GSE1: variants seen among roughly 807,000 people sequenced by gnomAD.
The protein encoded by GSE1 is Gse1 coiled-coil protein.
Under a neutral mutation model 112.6 loss-of-function variants are expected in GSE1, and 32 were observed. That is an observed-to-expected ratio of 0.28 (90% CI 0.21 to 0.38). The LOEUF (loss-of-function observed/expected upper bound fraction) is 0.38. Among genes scored for constraint, GSE1 ranks in the 10% least tolerant of loss-of-function variants. The pLI is 1.00. For synonymous variants in GSE1, 1,115 were observed against 735.6 expected (o/e 1.52, Z -8.35); for missense variants, 2,348 against 1,699.2 (o/e 1.38, Z -6.71).
At chr16:85,200,344 GAATAA>G (rs1345325372) in intron 1 of GSE1, among the ~76,000 whole-genome samples, 1 of 150,990 alleles carries the variant, frequency 6.6e-6, no homozygotes, top group Non-Finnish European at 1.5e-5. Flanking sequence ...ATCACAGGGA[GAATAA>G]TGAATGTTTA....
At chr16:85,171,171 G>T in exon 1 of GSE1, 1 of 985,662 alleles carries the variant, frequency 1.0e-6, no homozygotes, top group Non-Finnish European at 1.2e-6. Flanking sequence ...CCCTGTACCG[G>T]GCCTGCCAGA....
chr16:85,661,887 G>A, intron 9 of GSE1, 122 bp downstream of exon 9: 2 of 985,838 alleles, frequency 2.0e-6, no homozygotes, highest in Non-Finnish European at 2.9e-6. Context: ...GTAGTCCCAG[G>A]CCCCAGGTGG....
intron 2 of GSE1, among the ~76,000 whole-genome samples, chr16:85,400,573 G>A (rs2048080788): frequency 6.6e-6 from 1 of 151,254 alleles, no homozygotes. Flanking sequence ...TTGTGTACCT[G>A]TGTGATGCAT....
chr16:85,555,097 C>T (rs2045133736), upstream of GSE1: 1 of 985,250 alleles, frequency 1.0e-6, no homozygotes, highest in South Asian at 4.7e-5. Context: ...CGCGTAGAGA[C>T]GGAAGGAGCC....
intron 2 of GSE1, among the ~76,000 whole-genome samples, chr16:85,449,030 C>G (rs2049593478): frequency 6.6e-6 from 1 of 152,216 alleles, no homozygotes; most frequent in Admixed American, 6.5e-5. Flanking sequence ...TCAATATTGA[C>G]TCTGTCAAAG....
At chr16:85,353,167 C>T (rs951208584) in intron 1 of GSE1, among the ~76,000 whole-genome samples, 9 of 152,280 alleles carry the variant, frequency 5.9e-5, no homozygotes, top group South Asian at 2.1e-4. Context: ...TGGAGGAACC[C>T]GCCTCCACAC....
intron 1 of GSE1, among the ~76,000 whole-genome samples, chr16:85,294,641 CTCTCTCTCTCTCTCTCTG>C (rs1388090094): frequency 5.0e-5 from 7 of 141,080 alleles, no homozygotes; most frequent in African/African-American, 1.4e-4. Flanking sequence ...CTCTCTCTCT[CTCTCTCTCTCTCTCTCTG>C]TCTCTCTCTC....
rs376816052 is a variant in GSE1, at chr16:85,330,886, T to G, written c.2284-26577T>G. 2.6e-5 allele frequency among the ~76,000 whole-genome samples: 4 copies of G among 152,170 alleles called. No homozygotes were observed. The East Asian group carries it at 7.7e-4, about 29-fold the overall frequency. ...GGAAGTCTGAGTGTTTCTGGAAGTCTGCTGCTGTGTGGGAATCACTCTTGT... is the reference window on the plus strand; with the variant it reads ...GGAAGTCTGAGTGTTTCTGGAAGTCGGCTGCTGTGTGGGAATCACTCTTGT... On this transcript the variant is annotated intron_variant, in intron 1 of 2. Coordinates refer to the GSE1 transcript ENST00000637419.
chr16:85,279,090 C>T (rs1358583180), intron 1 of GSE1: 1 of 152,258 alleles, frequency 6.6e-6, no homozygotes, highest in Non-Finnish European at 1.5e-5. Context: ...GTGTCCTTCC[C>T]AGCTGATGGA....
At chr16:85,369,867 C>A (rs2047258352) in intron 2 of GSE1, among the ~76,000 whole-genome samples, 1 of 152,222 alleles carries the variant, frequency 6.6e-6, no homozygotes, top group Admixed American at 6.5e-5. Flanking sequence ...TGGGACTGGT[C>A]CCTCAGCCTC....
chr16:85,246,200 T>TACACACACACACAC (rs545313239), intron 1 of GSE1, among the ~76,000 whole-genome samples: 11 of 89,118 alleles, frequency 1.2e-4, no homozygotes, highest in African/African-American at 5.0e-4. Context: ...TCAGGGACCC[T>TACACACACACACAC]ACACACACAC....
intron 9 of GSE1, chr16:85,662,537 G>A (rs940867131): frequency 3.2e-5 from 5 of 156,166 alleles, no homozygotes; most frequent in Non-Finnish European, 7.0e-5. Context: ...AGCGCCCCTG[G>A]GCAGGGGCTC....
intron 2 of GSE1, among the ~76,000 whole-genome samples, chr16:85,408,080 T>A (rs867737457): frequency 2.1e-5 from 1 of 47,936 alleles, no homozygotes; most frequent in Non-Finnish European, 4.2e-5. Context: ...TAATCCTCAC[T>A]GTTACACTCA....
At chr16:85,474,552 C>T (rs1470989899) in intron 2 of GSE1, among the ~76,000 whole-genome samples, 1 of 152,156 alleles carries the variant, frequency 6.6e-6, no homozygotes, top group Non-Finnish European at 1.5e-5. Context: ...TGACCTGACC[C>T]AGCCTTGGGG....
At chr16:85,265,430 C>T (rs937230763) in intron 1 of GSE1, among the ~76,000 whole-genome samples, 22 of 152,320 alleles carry the variant, frequency 1.4e-4, no homozygotes, top group African/African-American at 5.1e-4. Context: ...CCCAGACCCG[C>T]GCTAATGCAC....
At chr16:85,451,756 C>G (rs1224927201) in intron 2 of GSE1, among the ~76,000 whole-genome samples, 1 of 33,424 alleles carries the variant, frequency 3.0e-5, no homozygotes, top group Non-Finnish European at 7.1e-5. Flanking sequence ...GGTGCGTGCG[C>G]TGGTGGTGGT....
At chr16:85,575,489 C>A (rs560506118) in intron 1 of GSE1, among the ~76,000 whole-genome samples, 1 of 151,850 alleles carries the variant, frequency 6.6e-6, no homozygotes, top group Non-Finnish European at 1.5e-5. Context: ...TCTCCCCTCT[C>A]GTCTCCCCTC....
chr16:85,401,727 A>C (rs572901604), intron 2 of GSE1, among the ~76,000 whole-genome samples: 3 of 152,352 alleles, frequency 2.0e-5, no homozygotes, highest in South Asian at 4.1e-4. Flanking sequence ...TGCTGTGTAC[A>C]CGCAGCACTG....
At chr16:85,296,640 A>G (rs2966861) in intron 1 of GSE1, among the ~76,000 whole-genome samples, 61,398 of 151,880 alleles carry the variant, frequency 0.4, 12,939 homozygotes, top group African/African-American at 0.5. Flanking sequence ...AACAAACAAA[A>G]AGTGTGCAGC....
Sources: gnomAD v4.1 joint callset for allele counts (sites outside exome capture counted in the v4.1 genomes callset) on GRCh38, gnomAD v4.1.1 for gene constraint, MANE v1.5 for transcripts, NCBI Gene and HGNC (gene_info 2026-07-23, HGNC 2026-07-21) for gene names.